HDAC8: variants seen among roughly 807,000 people sequenced by gnomAD.
HDAC8 encodes histone deacetylase-like 1.
A neutral mutation model predicts 32.2 loss-of-function variants in HDAC8; 1 was observed. That is an observed-to-expected ratio of 0.03 (90% CI 0.01 to 0.15). HDAC8 has a LOEUF of 0.15. HDAC8 is among the 10% of genes least tolerant of loss of function. HDAC8 has a pLI of 1.00. For synonymous variants in HDAC8, 108 were observed against 113.9 expected (o/e 0.95, Z 0.33); for missense variants, 117 against 300.0 (o/e 0.39, Z 4.51).
intron 4 of HDAC8, among the ~76,000 whole-genome samples, chrX:72,498,459 T>C (rs868987948): frequency 5.4e-5 from 6 of 112,103 alleles, no homozygotes; most frequent in African/African-American, 1.6e-4. Flanking sequence ...AACTATAGTA[T>C]AGTGTTTTCA....
chrX:72,365,068 T>A (rs1471805518), intron 9 of HDAC8, among the ~76,000 whole-genome samples: 1 of 112,144 alleles, frequency 8.9e-6, no homozygotes, highest in Non-Finnish European at 1.9e-5. Context: ...TCCGAAATAC[T>A]TGGGACCAGA....
intron 4 of HDAC8, among the ~76,000 whole-genome samples, chrX:72,553,886 G>A (rs2051176123): frequency 1.8e-5 from 2 of 112,085 alleles, no homozygotes; most frequent in Admixed American, 9.4e-5. Flanking sequence ...TTGTTCAAGG[G>A]CTAACTGCTA....
intron 5 of HDAC8, among the ~76,000 whole-genome samples, chrX:72,494,902 T>G (rs1485757051): frequency 3.6e-5 from 4 of 111,519 alleles, no homozygotes; most frequent in Admixed American, 2.9e-4. Flanking sequence ...GGTAAGATTT[T>G]CACTTCTTAA....
chrX:72,510,630 T>C (rs782801261), intron 4 of HDAC8, among the ~76,000 whole-genome samples: 1 of 111,325 alleles, frequency 9.0e-6, no homozygotes, highest in Admixed American at 9.6e-5. Context: ...ACCTAACATT[T>C]GCACTACAGA....
chrX:72,528,629 C>T (rs1357569814), intron 4 of HDAC8, among the ~76,000 whole-genome samples: 13 of 110,634 alleles, frequency 1.2e-4, no homozygotes, highest in African/African-American at 3.3e-4. Flanking sequence ...ATGGTGGTGA[C>T]GGTATATGAC....
intron 9 of HDAC8, among the ~76,000 whole-genome samples, chrX:72,443,487 G>C (rs1369168832): frequency 2.9e-3 from 319 of 110,948 alleles, no homozygotes; most frequent in African/African-American, 0.01. Flanking sequence ...TTGAAACCAA[G>C]GAGAACAGAG....
intron 9 of HDAC8, among the ~76,000 whole-genome samples, chrX:72,357,912 C>T (rs1602570446): frequency 9.6e-6 from 1 of 104,413 alleles, no homozygotes; most frequent in South Asian, 4.1e-4. Flanking sequence ...TTCTTTCTTT[C>T]TTTTTTTTTT....
intron 2 of HDAC8, 98 bp from the exon 3 acceptor site, chrX:72,568,982 T>C (rs1478386419): frequency 2.2e-6 from 2 of 889,195 alleles, no homozygotes; most frequent in African/African-American, 2.0e-5. Context: ...AGAAAATACG[T>C]CTCAACTTCT....
At chrX:72,439,782 A>C (rs1384705843) in intron 9 of HDAC8, among the ~76,000 whole-genome samples, 1 of 111,628 alleles carries the variant, frequency 9.0e-6, no homozygotes, top group Non-Finnish European at 1.9e-5. Flanking sequence ...AACTATCCTA[A>C]ATATATGTGC....
intron 9 of HDAC8, among the ~76,000 whole-genome samples, chrX:72,429,861 T>C (rs1410042951): frequency 8.9e-6 from 1 of 111,882 alleles, no homozygotes; most frequent in Non-Finnish European, 1.9e-5. Flanking sequence ...CCTGTCACAG[T>C]TGCCTGCTGC....
At chrX:72,346,531 C>G (rs2044032644) in intron 10 of HDAC8, among the ~76,000 whole-genome samples, 1 of 112,132 alleles carries the variant, frequency 8.9e-6, no homozygotes, top group African/African-American at 3.2e-5. Flanking sequence ...GGATGTCAGG[C>G]TGCCAGAGGA....
chrX:72,393,307 G>A (rs2045663077), intron 9 of HDAC8, among the ~76,000 whole-genome samples: 1 of 111,600 alleles, frequency 9.0e-6, no homozygotes, highest in Admixed American at 9.6e-5. Flanking sequence ...GGCCAGAACA[G>A]TGGGTGAAAA....
At chrX:72,425,250 G>A (rs981609466) in intron 9 of HDAC8, among the ~76,000 whole-genome samples, 2 of 112,239 alleles carry the variant, frequency 1.8e-5, no homozygotes, top group African/African-American at 6.5e-5. Context: ...CCTAATGGGT[G>A]TGAAGTGGTA....
At chrX:72,564,399 T>C (rs1218655228) in intron 4 of HDAC8, among the ~76,000 whole-genome samples, 1 of 112,264 alleles carries the variant, frequency 8.9e-6, no homozygotes, top group Admixed American at 9.4e-5. Context: ...ATTTTGAAAA[T>C]AGCCAAAAAA....
At chrX:72,475,483 G>C (rs1307530697) in intron 7 of HDAC8, among the ~76,000 whole-genome samples, 1 of 111,639 alleles carries the variant, frequency 9.0e-6, no homozygotes, top group Admixed American at 9.5e-5. Context: ...AATCCTATCT[G>C]AGCTCAGGTA....
chrX:72,380,173 C>A (rs781902567), intron 9 of HDAC8, among the ~76,000 whole-genome samples: 1 of 111,699 alleles, frequency 9.0e-6, no homozygotes, highest in African/African-American at 3.3e-5. Context: ...ACATCTCATT[C>A]CCCAGCATTT....
chrX:72,343,722 T>C (rs782332549), intron 10 of HDAC8, among the ~76,000 whole-genome samples: 7 of 111,922 alleles, frequency 6.3e-5, no homozygotes, highest in African/African-American at 9.7e-5. Context: ...TCCAGGCTGG[T>C]CTCAAACTCC....
chrX:72,532,709 A>G (rs1556036817), intron 4 of HDAC8, among the ~76,000 whole-genome samples: 1 of 110,558 alleles, frequency 9.0e-6, no homozygotes, highest in East Asian at 2.8e-4. Flanking sequence ...ACATTTTTCA[A>G]TTGAGTCATT....
At chrX:72,428,047 G>A (rs782302435) in intron 9 of HDAC8, among the ~76,000 whole-genome samples, 60 of 112,325 alleles carry the variant, frequency 5.3e-4, no homozygotes, top group African/African-American at 1.9e-3. Context: ...CTTTGCAATA[G>A]GATTTAAACC....
Sources: allele counts gnomAD v4.1 joint callset (sites outside exome capture counted in the v4.1 genomes callset), GRCh38; gene constraint gnomAD v4.1.1; transcripts MANE v1.5; gene names NCBI Gene and HGNC (gene_info 2026-07-23, HGNC 2026-07-21).